The following BRSK2 variants were observed in gnomAD, a reference collection of about 807,000 sequenced individuals.
BRSK2 encodes BR serine/threonine kinase 2.
In BRSK2, 19 loss-of-function variants were observed where a neutral mutation model predicts 83.3. The ratio of observed to expected loss-of-function variants is 0.23; its 90% CI spans 0.16 to 0.33. The LOEUF (loss-of-function observed/expected upper bound fraction) is 0.33. Ranked by LOEUF, BRSK2 falls within the 10% of genes least tolerant of loss-of-function variation. BRSK2 has a pLI of 1.00. For synonymous variants in BRSK2, 519 were observed against 435.4 expected, an observed-to-expected ratio of 1.19 and a Z score of -2.39; for missense variants, 798 against 1,042.3, an observed-to-expected ratio of 0.77 and a Z score of 3.23.
At chr11:1,408,106 C>T (rs1847035651) in intron 1 of BRSK2, among the ~76,000 whole-genome samples, 1 of 152,260 alleles carries the variant, frequency 6.6e-6, no homozygotes, top group South Asian at 2.1e-4. Context: ...ATCCTCTGGC[C>T]TCCCTGGGGC....
chr11:1,448,267 GCGC>G (rs1337910057), intron 12 of BRSK2, among the ~76,000 whole-genome samples: 3 of 152,204 alleles, frequency 2.0e-5, no homozygotes, highest in Non-Finnish European at 2.9e-5. Flanking sequence ...AGGGCAGGAG[GCGC>G]CGCCGTCAAG....
At chr11:1,443,683 C>CG in intron 8 of BRSK2, 48 bp downstream of exon 8, 1 of 1,488,562 alleles carries the variant, frequency 6.7e-7, no homozygotes, top group African/African-American at 1.4e-5. Context: ...CGGGGGGGCG[C>CG]GGGGGCGGGC....
chr11:1,401,847 G>A (rs1846501010), intron 1 of BRSK2, among the ~76,000 whole-genome samples: 1 of 152,262 alleles, frequency 6.6e-6, no homozygotes, highest in Admixed American at 6.5e-5. Flanking sequence ...CCTTGGCGCT[G>A]GGTCCTCACA....
chr11:1,442,640 G>A, intron 5 of BRSK2, 34 bp downstream of exon 5: 2 of 1,538,146 alleles, frequency 1.3e-6, no homozygotes, highest in South Asian at 1.1e-5. Context: ...AGAGGCTGGG[G>A]GACAGGCTGG....
At chr11:1,451,514 C>G (rs1356863671) in intron 15 of BRSK2, 95 bp downstream of exon 15, 1 of 1,332,334 alleles carries the variant, frequency 7.5e-7, no homozygotes, top group African/African-American at 1.4e-5. Context: ...CGGGGTGCTC[C>G]TTCTCCACGT....
At position 1,390,829 on chromosome 11, in the gene BRSK2, C is replaced by T. The variant is rs1051844874; in HGVS notation, c.91+454C>T. Among the ~76,000 whole-genome samples, 3 of 152,154 alleles carry T rather than the reference C, an allele frequency of 2.0e-5. No homozygotes were observed. The highest frequency in any genetic ancestry group is 6.5e-5 in the Admixed American group (1 of 15,280). On this transcript the variant is annotated intron_variant, in intron 1 of 19. Coordinates refer to ENST00000528841, the MANE Select transcript of BRSK2 (RefSeq NM_001256627.2). The surrounding 1 kb of genome is among the most constrained non-coding windows in gnomAD (Gnocchi z 6.8). ...CGGCGGGACTCCCACCTCCGCGCGC[C>T]GGCCACCGGGGCCTCCGGGCAGGCC... is the stretch of plus-strand genomic sequence containing the variant.
At chr11:1,440,568 C>T (rs1851079510) in intron 3 of BRSK2, among the ~76,000 whole-genome samples, 1 of 144,514 alleles carries the variant, frequency 6.9e-6, no homozygotes, top group African/African-American at 2.5e-5. Context: ...CCCACCCCAA[C>T]CCAGGCTCCT....
At chr11:1,449,700 G>T in intron 12 of BRSK2, 76 bp from the exon 13 acceptor site, 3 of 1,326,428 alleles carry the variant, frequency 2.3e-6, no homozygotes, top group Non-Finnish European at 3.2e-6. Flanking sequence ...GGGTTTACCT[G>T]GGGGGAGCAG....
At position 1,414,184 on chromosome 11, in the gene BRSK2, C is replaced by T. The variant is rs575514378; in HGVS notation, c.92-21856C>T. Among the ~76,000 whole-genome samples the T allele has an allele frequency of 2.0e-5, 3 of 152,256 alleles. No homozygotes were observed. The South Asian group carries it at 6.2e-4, about 32-fold the overall frequency. The stretch of plus-strand genomic sequence containing the variant: ...TTTGTGCTGGTCAAAAATACCACAC[C>T]CCAAAGTTGCCATTGTCCCGTTGTT... On this transcript the variant is annotated intron_variant, in intron 1 of 19. Transcript: ENST00000528841.
intron 12 of BRSK2, 103 bp downstream of exon 12, chr11:1,446,010 G>A (rs962496669): frequency 1.4e-6 from 2 of 1,426,332 alleles, no homozygotes; most frequent in African/African-American, 1.4e-5. Context: ...CTCGGCTGAG[G>A]CCATTGGGTG....
intron 1 of BRSK2, among the ~76,000 whole-genome samples, chr11:1,398,152 G>A (rs562208294): frequency 3.4e-3 from 521 of 152,308 alleles, no homozygotes; most frequent in Middle Eastern, 6.8e-3. Flanking sequence ...GGGAGCCCCC[G>A]GGGAACCCTT....
At chr11:1,403,699 C>T (rs891272141) in intron 1 of BRSK2, among the ~76,000 whole-genome samples, 1 of 152,192 alleles carries the variant, frequency 6.6e-6, no homozygotes, top group South Asian at 2.1e-4. Context: ...TGTTGTGGCA[C>T]CTGGTGCACT....
rs758029662 is a variant in BRSK2, at chr11:1,445,577, C to T, written c.984C>T (p.Asn328=). The part of the protein sequence containing the change: ...LLQDLLSEEE[N]QEKMIYFLLL... Reference sequence around the variant, plus strand: ...CGCCTCTCGCCCGCTGTAGGGAGAACCAGGAGAAGATGATTTACTTCCTCC... The same window carrying T: ...CGCCTCTCGCCCGCTGTAGGGAGAATCAGGAGAAGATGATTTACTTCCTCC... The change falls in exon 11 of 20, where the codon AAC becomes AAT. Residue 328 remains asparagine (N), a synonymous_variant. Coordinates refer to ENST00000528841, the MANE Select transcript of BRSK2 (RefSeq NM_001256627.2). The T allele has an allele frequency of 2.0e-5, 32 of 1,577,018 alleles. No homozygotes were observed. In the African/African-American group the frequency reaches 3.9e-4, roughly 19 times the overall value.
intron 9 of BRSK2, 35 bp downstream of exon 9, chr11:1,445,037 T>C (rs1376804992): frequency 6.2e-7 from 1 of 1,605,314 alleles, no homozygotes; most frequent in Non-Finnish European, 8.5e-7. Flanking sequence ...TCGCCTGCTT[T>C]GCCTGTTGCT....
At chr11:1,443,162 A>T in intron 6 of BRSK2, 23 bp downstream of exon 6, 1 of 1,537,222 alleles carries the variant, frequency 6.5e-7, no homozygotes, top group Non-Finnish European at 8.7e-7. Context: ...CGCCGCGTGC[A>T]GCTCTGTGGG....
intron 1 of BRSK2, among the ~76,000 whole-genome samples, chr11:1,411,899 C>T (rs1255943808): frequency 6.6e-6 from 1 of 152,246 alleles, no homozygotes; most frequent in East Asian, 1.9e-4. Context: ...AGAGCTCTGC[C>T]CCCTGTGCTG....
At chr11:1,426,850 A>T (rs1347887829) in intron 1 of BRSK2, among the ~76,000 whole-genome samples, 1 of 151,990 alleles carries the variant, frequency 6.6e-6, no homozygotes, top group Non-Finnish European at 1.5e-5. Flanking sequence ...AGGGCCCTGT[A>T]GTGGCCAGCA....
Position 1,443,727 on chromosome 11 carries a change from C to T in BRSK2, c.780+92C>T, listed in dbSNP as rs574810695. ...GTGTGTGCACAGGTGTGTGCCCAGACGTGTGGGCACCCAGGTGTGTGGGTC... is the reference window on the plus strand; with the variant it reads ...GTGTGTGCACAGGTGTGTGCCCAGATGTGTGGGCACCCAGGTGTGTGGGTC... On this transcript the variant is annotated intron_variant, in intron 8 of 19. Transcript: ENST00000528841. 422 of 1,397,608 alleles carry T rather than the reference C, an allele frequency of 3.0e-4. 1 individual carries two copies. The highest frequency in any genetic ancestry group is 9.6e-4 in the South Asian group (65 of 67,460). 86.6% of individuals were successfully genotyped at this position (1,397,608 alleles called of 1,614,324 possible). A position where few individuals can be genotyped will look rare whatever the true frequency, so the allele number is the denominator to read the frequency against.
rs752760423 is a variant in BRSK2, at chr11:1,411,542, A to G, written c.91+21167A>G. ...GAGGGGCCGCACATCACAGAGTGCC[A>G]GCTGGCCACACTCCCGGCCCACAGC... is the stretch of plus-strand genomic sequence containing the variant. On this transcript the variant is annotated intron_variant, in intron 1 of 19. Transcript: ENST00000528841. The G allele has an allele frequency of 1.3e-5, 20 of 1,560,076 alleles. No homozygotes were observed. In the South Asian group the frequency reaches 2.3e-4, roughly 18 times the overall value.
Sources: gnomAD v4.1 joint callset for allele counts (sites outside exome capture counted in the v4.1 genomes callset) on GRCh38, gnomAD v4.1.1 for gene constraint, Gnocchi (gnomAD v3.1) non-coding constraint, MANE v1.5 for transcripts, NCBI Gene and HGNC (gene_info 2026-07-23, HGNC 2026-07-21) for gene names.